Variants in ST14 observed in about 807,000 individuals in gnomAD.
The protein encoded by ST14 is ST14 transmembrane serine protease matriptase.
ST14 carries 40 observed loss-of-function variants against 96.5 expected under a neutral mutation model. The ratio of observed to expected loss-of-function variants is 0.41; its 90% CI spans 0.32 to 0.54. ST14 has a LOEUF of 0.54. Ranked by LOEUF, ST14 falls within the 20% of genes least tolerant of loss-of-function variation. The probability of loss-of-function intolerance (pLI) is 0.17; values close to 1 mark genes in which losing one functional copy is unlikely to be tolerated. For synonymous variants in ST14, 506 were observed against 492.1 expected, an observed-to-expected ratio of 1.03 and a Z score of -0.37; for missense variants, 1,066 against 1,188.9, an observed-to-expected ratio of 0.90 and a Z score of 1.52.
intron 1 of ST14, among the ~76,000 whole-genome samples, chr11:130,176,414 A>G (rs1316800573): frequency 6.8e-6 from 1 of 148,120 alleles, no homozygotes; most frequent in Non-Finnish European, 1.5e-5. Flanking sequence ...TTTCAGACAG[A>G]GTCTCGCTGT....
rs11822081 is a variant in ST14, at chr11:130,163,722, C to G, written c.81+3662C>G. Reference sequence around the variant, plus strand: ...ACCGGAAATCTGCCTTCTCCAGGGGCTTTCTGGAGCCTTCCCTCTGCCTTG... The same window carrying G: ...ACCGGAAATCTGCCTTCTCCAGGGGGTTTCTGGAGCCTTCCCTCTGCCTTG... On this transcript the variant is annotated intron_variant, in intron 1 of 18. Coordinates refer to ENST00000278742, the MANE Select transcript of ST14 (RefSeq NM_021978.4). 3.9e-3 allele frequency among the ~76,000 whole-genome samples: 601 copies of G among 152,318 alleles called. 4 individuals are homozygous for G. Among genetic ancestry groups the G allele is most frequent in the African/African-American group, 0.014 (571 of 41,568 alleles).
chr11:130,206,229 G>A (rs1247758056), intron 16 of ST14, among the ~76,000 whole-genome samples: 2 of 152,206 alleles, frequency 1.3e-5, no homozygotes, highest in African/African-American at 2.4e-5. Context: ...AGGAAGCAGT[G>A]CGCGGGCGGT....
At chr11:130,179,900 C>G (rs1007851465) in intron 1 of ST14, among the ~76,000 whole-genome samples, 2 of 152,166 alleles carry the variant, frequency 1.3e-5, no homozygotes, top group Non-Finnish European at 2.9e-5. Flanking sequence ...TGTGCTGGCT[C>G]GGTCTTTCCC....
At chr11:130,205,712 T>G (rs1953479891) in intron 16 of ST14, among the ~76,000 whole-genome samples, 1 of 30,954 alleles carries the variant, frequency 3.2e-5, no homozygotes, top group Non-Finnish European at 9.7e-5. Context: ...TTTTTTTTTG[T>G]TTTTTTTTTT....
At chr11:130,204,181 A>G (rs756581366) in intron 16 of ST14, among the ~76,000 whole-genome samples, 25 of 152,212 alleles carry the variant, frequency 1.6e-4, no homozygotes, top group Non-Finnish European at 3.1e-4. Context: ...AGGCTGGGTC[A>G]TAGATCGCAT....
rs369423858 is a variant in ST14, at chr11:130,190,072, A to C, written c.599-41A>C. 5.6e-6 allele frequency: 9 copies of C among 1,613,824 alleles called. No homozygotes were observed. The African/African-American group carries it at 1.2e-4, about 22-fold the overall frequency. ...TAAGGAAGCAGGAATAAGGAAATGG[A>C]TTGTATCAGGAAATGCTTTATTCTC... On this transcript the variant is annotated intron_variant, in intron 5 of 18. Coordinates refer to ENST00000278742, the MANE Select transcript of ST14 (RefSeq NM_021978.4).
Position 130,187,997 on chromosome 11 carries a change from C to A in ST14, c.82-117C>A. 7.0e-6 allele frequency: 10 copies of A among 1,438,656 alleles called. No homozygotes were observed. Among genetic ancestry groups the A allele is most frequent in the Non-Finnish European group, 9.5e-6 (10 of 1,056,170 alleles). 89.1% of individuals were successfully genotyped at this position (1,438,656 alleles called of 1,614,324 possible). A position where few individuals can be genotyped will look rare whatever the true frequency, so the allele number is the denominator to read the frequency against. On this transcript the variant is annotated intron_variant, in intron 1 of 18. Transcript: ENST00000278742. The surrounding 1 kb of genome is among the most constrained non-coding windows in gnomAD (Gnocchi z 4.5). ...CTGGGGGAAGCCCCCTTCTTCTCAC[C>A]CAAGCCCCTGCTTTCTTCTCCAAGC...
intron 1 of ST14, among the ~76,000 whole-genome samples, chr11:130,182,826 T>TA (rs1953205692): frequency 6.6e-6 from 1 of 151,704 alleles, no homozygotes; most frequent in Non-Finnish European, 1.5e-5. Flanking sequence ...ATTTTTTATG[T>TA]TTTTTGTAGA....
In ST14 at chr11:130,199,940, T is replaced by C. The variant is rs2136218023; in HGVS notation, c.1808-11T>C. On this transcript the variant is annotated splice_polypyrimidine_tract_variant and intron_variant, in intron 15 of 18. Coordinates refer to ENST00000278742, the MANE Select transcript of ST14 (RefSeq NM_021978.4). ...GACTTGCTGTCCTCTGGTTCTCTGCTCCCTCTGCAGACTGTGGGCTGCGGT... is the reference window on the plus strand; with the variant it reads ...GACTTGCTGTCCTCTGGTTCTCTGCCCCCTCTGCAGACTGTGGGCTGCGGT... 1 of 1,614,076 alleles carries C rather than the reference T, an allele frequency of 6.2e-7. No individual in the cohort carries two copies. The highest frequency in any genetic ancestry group is 1.1e-5 in the South Asian group (1 of 91,070).
In ST14 at chr11:130,209,869, T is replaced by G; in HGVS notation, c.*46T>G. ...TGTACACCTGCGGGGCCACCCATCG[T>G]CCACCCCAGTGTGCACGCCTGCAGG... On this transcript the variant is annotated 3_prime_UTR_variant, in exon 19 of 19. Coordinates refer to ENST00000278742, the MANE Select transcript of ST14 (RefSeq NM_021978.4). The G allele has an allele frequency of 6.2e-7, 1 of 1,606,454 alleles. No homozygotes were observed. Among genetic ancestry groups the G allele is most frequent in the Non-Finnish European group, 8.5e-7 (1 of 1,178,808 alleles).
Position 130,172,568 on chromosome 11 carries a change from C to T in ST14, c.81+12508C>T, listed in dbSNP as rs564330631. On this transcript the variant is annotated intron_variant, in intron 1 of 18. Coordinates refer to ENST00000278742, the MANE Select transcript of ST14 (RefSeq NM_021978.4). ...CAGTAGCTGGGACTACAGGTGCCCACCACCATACCCGGCTAATTTTTTGTA... is the reference window on the plus strand; with the variant it reads ...CAGTAGCTGGGACTACAGGTGCCCATCACCATACCCGGCTAATTTTTTGTA... Among the ~76,000 whole-genome samples, 19 of 152,100 alleles carry T rather than the reference C, an allele frequency of 1.2e-4. No individual in the cohort carries two copies. The East Asian group carries it at 3.7e-3, about 29-fold the overall frequency.
chr11:130,193,570 G>A (rs545407040), intron 7 of ST14, among the ~76,000 whole-genome samples: 3 of 151,826 alleles, frequency 2.0e-5, no homozygotes, highest in African/African-American at 7.3e-5. Context: ...CCCGGGTTCC[G>A]GTGATTCTCC....
chr11:130,171,498 A>C (rs1172061386), intron 1 of ST14, among the ~76,000 whole-genome samples: 2 of 152,170 alleles, frequency 1.3e-5, no homozygotes, highest in Non-Finnish European at 2.9e-5. Flanking sequence ...CTTTGGATAA[A>C]TACTCAGAAG....
chr11:130,189,024 G>A, intron 4 of ST14, 85 bp downstream of exon 4: 1 of 1,432,136 alleles, frequency 7.0e-7, no homozygotes, highest in Non-Finnish European at 9.7e-7. Context: ...GCAGGAAGCG[G>A]GAGATGGTGC....
intron 4 of ST14, 70 bp from the exon 5 acceptor site, chr11:130,189,669 G>C: frequency 6.3e-7 from 1 of 1,592,624 alleles, no homozygotes; most frequent in Non-Finnish European, 8.5e-7. Context: ...ATGTGTCCTG[G>C]AGTCGCTCTG....
chr11:130,203,071 A>G (rs1825793113), intron 16 of ST14, among the ~76,000 whole-genome samples: 2 of 152,116 alleles, frequency 1.3e-5, no homozygotes, highest in African/African-American at 2.4e-5. Flanking sequence ...TGTCAGACTT[A>G]CCGATTGGCT....
chr11:130,160,069 G>C lies in ST14; in HGVS notation c.81+9G>C, dbSNP rs765303362. ...ACAACTCCCGGCACGAGGTGAGCGC[G>C]GGCCGGGGACCCGGGGCGCTGGGAA... On this transcript the variant is annotated intron_variant, in intron 1 of 18. Coordinates refer to ENST00000278742, the MANE Select transcript of ST14 (RefSeq NM_021978.4). 148 of 1,422,192 alleles carry C rather than the reference G, an allele frequency of 1.0e-4. No homozygotes were observed. The highest frequency in any genetic ancestry group is 4.8e-4 in the Admixed American group (18 of 37,200). The allele number at this position is 1,422,192 out of a possible 1,614,324, so 88.1% of individuals were successfully genotyped here. A position where few individuals can be genotyped will look rare whatever the true frequency, so the allele number is the denominator to read the frequency against.
In ST14 at chr11:130,187,219, G is replaced by A. The variant is rs138041058; in HGVS notation, c.82-895G>A. On this transcript the variant is annotated intron_variant, in intron 1 of 18. Transcript: ENST00000278742. This position sits in a 1 kb window ranked among gnomAD's most constrained non-coding sequence, Gnocchi z 4.5. The stretch of plus-strand genomic sequence containing the variant: ...TAAACTGAGAGTGCCACAGTGCCAG[G>A]CCATGGTGCATCCCCAGGATTCAGG... Among the ~76,000 whole-genome samples the A allele has an allele frequency of 3.1e-3, 466 of 152,300 alleles. 2 individuals are homozygous for A. The highest frequency in any genetic ancestry group is 4.5e-3 in the Non-Finnish European group (309 of 68,022).
Position 130,196,562 on chromosome 11 carries a change from C to CG in ST14, c.1224-8_1224-7insG, listed in dbSNP as rs779187925. 6.5e-5 allele frequency: 104 copies of CG among 1,611,284 alleles called. 1 individual carries two copies. The South Asian group carries it at 7.1e-4, about 11-fold the overall frequency. Reference sequence around the variant, plus strand: ...CCCTCCTCACCTTGTGCCCCGCCCCCCCTCCAGATACTGCGGAGAGAGGTC... The same window carrying CG: ...CCCTCCTCACCTTGTGCCCCGCCCCCGCCTCCAGATACTGCGGAGAGAGGTC... On this transcript the variant is annotated splice_region_variant and splice_polypyrimidine_tract_variant and intron_variant, in intron 10 of 18. Transcript: ENST00000278742.
Sources: gnomAD v4.1 joint callset for allele counts (sites outside exome capture counted in the v4.1 genomes callset) on GRCh38, gnomAD v4.1.1 for gene constraint, Gnocchi (gnomAD v3.1) non-coding constraint, MANE v1.5 for transcripts, NCBI Gene and HGNC (gene_info 2026-07-23, HGNC 2026-07-21) for gene names.